SLC2A5: variants seen among roughly 807,000 people sequenced by gnomAD.
The protein encoded by SLC2A5 is solute carrier family 2 member 5, also known as solute carrier family 2, facilitated glucose transporter member 5.
SLC2A5 carries 56 observed loss-of-function variants against 50.3 expected under a neutral mutation model. The ratio of observed to expected loss-of-function variants is 1.11; its 90% confidence interval spans 0.90 to 1.39. The LOEUF (loss-of-function observed/expected upper bound fraction) is 1.39. SLC2A5 is among the 40% of genes most tolerant of loss of function. SLC2A5 has a pLI of 0.00. For synonymous variants in SLC2A5, 269 were observed against 281.9 expected (o/e 0.95, Z 0.46); for missense variants, 566 against 650.1 (o/e 0.87, Z 1.41).
At chr1:9,064,305 A>G (rs959015434) in intron 1 of SLC2A5, among the ~76,000 whole-genome samples, 1 of 152,158 alleles carries the variant, frequency 6.6e-6, no homozygotes, top group Non-Finnish European at 1.5e-5. Flanking sequence ...GGATTAGGGC[A>G]TAAGGAAAAG....
intron 3 of SLC2A5, 145 bp downstream of exon 3, chr1:9,057,303 A>AG (rs1399138856): frequency 4.2e-6 from 2 of 476,202 alleles, no homozygotes; most frequent in Non-Finnish European, 6.9e-6. Flanking sequence ...AAAAAAAAAA[A>AG]AAAAAAAAAA....
At chr1:9,051,248 GAA>G (rs1024351330) in intron 3 of SLC2A5, among the ~76,000 whole-genome samples, 7 of 149,176 alleles carry the variant, frequency 4.7e-5, no homozygotes, top group Non-Finnish European at 8.9e-5. Context: ...AGGAATGAAG[GAA>G]AAGAGAGAGA....
intron 1 of SLC2A5, 52 bp downstream of exon 1, chr1:9,069,452 G>A: frequency 2.5e-6 from 4 of 1,601,480 alleles, no homozygotes; most frequent in Non-Finnish European, 3.4e-6. Context: ...GGCTGCACAG[G>A]CCCTGGCAGC....
upstream of SLC2A5, chr1:9,072,274 A>G (rs1183260192): frequency 1.3e-5 from 2 of 152,350 alleles, no homozygotes; most frequent in African/African-American, 4.8e-5. Flanking sequence ...GTGAGGTGGG[A>G]CTGGGGGGAG....
At chr1:9,070,798 A>G (rs527884969), upstream of SLC2A5, among the ~76,000 whole-genome samples, 7 of 151,794 alleles carry the variant, frequency 4.6e-5, no homozygotes, top group South Asian at 1.5e-3. Context: ...AGGGTTGCTC[A>G]GGGTGGGAGA....
chr1:9,049,167 T>G, intron 3 of SLC2A5: 1 of 456,238 alleles, frequency 2.2e-6, no homozygotes, highest in South Asian at 1.5e-5. Context: ...GCCCTCATGA[T>G]GAGGACCCTC....
intron 3 of SLC2A5, among the ~76,000 whole-genome samples, chr1:9,051,890 G>T (rs779352630): frequency 7.2e-5 from 11 of 152,150 alleles, no homozygotes; most frequent in South Asian, 2.1e-4. Flanking sequence ...AAGCAACCAA[G>T]ATGTCCTCTG....
chr1:9,038,351 G>C, intron 10 of SLC2A5, 80 bp downstream of exon 10: 1 of 1,036,452 alleles, frequency 9.6e-7, no homozygotes, highest in South Asian at 1.3e-5. Flanking sequence ...GCCATCCCTG[G>C]TATCTCTAAG....
At chr1:9,088,665 C>A (rs1355982893), upstream of SLC2A5, among the ~76,000 whole-genome samples, 3 of 152,172 alleles carry the variant, frequency 2.0e-5, no homozygotes, top group African/African-American at 4.8e-5. Context: ...TGCCTGTAGT[C>A]CCAGCTACTC....
intron 1 of SLC2A5, among the ~76,000 whole-genome samples, chr1:9,066,644 C>T (rs1642090988): frequency 6.6e-6 from 1 of 151,716 alleles, no homozygotes; most frequent in Non-Finnish European, 1.5e-5. Context: ...GCAGAAAGTC[C>T]TTGGTGCACA....
Position 9,038,851 on chromosome 1 carries a change from G to C in SLC2A5, c.1075C>G (p.Leu359Val), listed in dbSNP as rs1308718000. ...FSICLIACCV[L>V]TAALALQDTV... ...ACCTGCAGTGCCAGAGCTGCAGTGA[G>C]CACGCAGCAGGCTATGAGGCAGATG... The change falls in exon 9 of 12, where the codon CTC (leucine) becomes GTC (valine). Residue 359 changes from leucine to valine, a missense_variant. By Grantham distance (32) the Leu-to-Val change is conservative. Coordinates refer to ENST00000377424, the MANE Select transcript of SLC2A5 (RefSeq NM_003039.3). 1.9e-6 allele frequency: 3 copies of C among 1,612,022 alleles called. No individual in the cohort carries two copies. In the South Asian group the frequency reaches 3.3e-5, roughly 18 times the overall value.
chr1:9,094,162 C>T, the SLC2A5 span, among the ~76,000 whole-genome samples: 1 of 152,326 alleles, frequency 6.6e-6, no homozygotes, highest in South Asian at 2.1e-4. Flanking sequence ...ATCACACTCA[C>T]CCGGTTGACT....
intron 10 of SLC2A5, 139 bp from the exon 11 acceptor site, chr1:9,038,163 G>A: frequency 2.0e-6 from 2 of 1,009,210 alleles, no homozygotes; most frequent in Non-Finnish European, 2.9e-6. Context: ...CAGCACGTAG[G>A]GGGCAAACGG....
intron 1 of SLC2A5, among the ~76,000 whole-genome samples, chr1:9,067,243 A>T (rs1465455943): frequency 6.6e-6 from 1 of 152,102 alleles, no homozygotes; most frequent in Non-Finnish European, 1.5e-5. Flanking sequence ...GAAGCCCAGC[A>T]CGCCCCAGCT....
chr1:9,077,592 A>T (rs981557202), intron 2 of SLC2A5, among the ~76,000 whole-genome samples: 2 of 151,388 alleles, frequency 1.3e-5, no homozygotes, highest in East Asian at 3.9e-4. Context: ...AATACAAAAA[A>T]AAAAAGAAAA....
chr1:9,059,397 C>A (rs1641848613), intron 1 of SLC2A5, among the ~76,000 whole-genome samples: 1 of 151,918 alleles, frequency 6.6e-6, no homozygotes, highest in Non-Finnish European at 1.5e-5. Flanking sequence ...CCTGCCTTGG[C>A]CTCCCAAAGT....
At chr1:9,048,634 T>C (rs1261701616) in intron 3 of SLC2A5, among the ~76,000 whole-genome samples, 1 of 152,054 alleles carries the variant, frequency 6.6e-6, no homozygotes, top group Non-Finnish European at 1.5e-5. Flanking sequence ...AAATTTTTGT[T>C]TATTTAAAAG....
intron 2 of SLC2A5, among the ~76,000 whole-genome samples, chr1:9,077,372 C>G (rs759128159): frequency 1.5e-4 from 22 of 146,426 alleles, no homozygotes; most frequent in Non-Finnish European, 3.1e-4. Flanking sequence ...GCACTCCTGC[C>G]TGGGCAACAG....
chr1:9,057,323 AAAAG>A, intron 3 of SLC2A5, 121 bp downstream of exon 3: 9 of 527,834 alleles, frequency 1.7e-5, no homozygotes, highest in Non-Finnish European at 2.7e-5. Context: ...AAAGAAAGAA[AAAAG>A]AAAAATGACC....
Sources: allele counts gnomAD v4.1 joint callset (sites outside exome capture counted in the v4.1 genomes callset), GRCh38; gene constraint gnomAD v4.1.1; transcripts MANE v1.5; gene names NCBI Gene and HGNC (gene_info 2026-07-23, HGNC 2026-07-21).